Variants in CDON observed in about 807,000 individuals in gnomAD.
The protein encoded by CDON is cell adhesion molecule-related/down-regulated by oncogenes.
Under a neutral mutation model 120.9 loss-of-function variants are expected in CDON, and 73 were observed. That is an observed-to-expected ratio of 0.60 (90% CI 0.50 to 0.73). The LOEUF (loss-of-function observed/expected upper bound fraction) is 0.73. CDON is among the 30% of genes least tolerant of loss of function. The probability of loss-of-function intolerance (pLI) is 0.00; values close to 1 mark genes in which losing one functional copy is unlikely to be tolerated. For missense variants in CDON, 1,470 were observed against 1,587.3 expected (o/e 0.93, Z 1.26); for synonymous variants, 566 against 573.5 (o/e 0.99, Z 0.19).
At chr11:126,061,281 C>T (rs1453726713) in intron 1 of CDON, among the ~76,000 whole-genome samples, 1 of 152,178 alleles carries the variant, frequency 6.6e-6, no homozygotes, top group East Asian at 1.9e-4. Context: ...GCAGTTCATT[C>T]CAACATGTGC....
At chr11:126,049,405 G>T (rs1948499145) in intron 1 of CDON, among the ~76,000 whole-genome samples, 1 of 152,162 alleles carries the variant, frequency 6.6e-6, no homozygotes. Context: ...CATCTCCAGA[G>T]TGAAAATAAA....
intron 2 of CDON, among the ~76,000 whole-genome samples, chr11:126,021,819 T>C (rs888600543): frequency 1.3e-5 from 2 of 151,940 alleles, no homozygotes; most frequent in African/African-American, 4.8e-5. Context: ...AATAGCAAAG[T>C]GCAGCTGGGC....
chr11:126,011,145 G>A (rs1450326179), intron 7 of CDON, among the ~76,000 whole-genome samples: 7 of 152,020 alleles, frequency 4.6e-5, no homozygotes, highest in African/African-American at 1.7e-4. Flanking sequence ...TAAAAAGCGT[G>A]GGAGAAAAAA....
In CDON at chr11:125,967,024, T is replaced by A. The variant is rs1345680368; in HGVS notation, c.3357-5026A>T. 1.0e-4 allele frequency among the ~76,000 whole-genome samples: 15 copies of A among 143,474 alleles called. No individual in the cohort carries two copies. The South Asian group carries it at 1.1e-3, about 10-fold the overall frequency. The allele number at this position is 143,474 out of a possible 152,430, so 94.1% of individuals were successfully genotyped here. On this transcript the variant is annotated intron_variant, in intron 18 of 19. Coordinates refer to ENST00000531738, the MANE Select transcript of CDON (RefSeq NM_001378964.1). ...GAAGGAAAATGACTAGCAACAGATTTAAAAAAAAAAAAGGAAATACAGAAA... is the reference window on the plus strand; with the variant it reads ...GAAGGAAAATGACTAGCAACAGATTAAAAAAAAAAAAAGGAAATACAGAAA...
intron 18 of CDON, among the ~76,000 whole-genome samples, chr11:125,967,036 A>AT (rs397944991): frequency 1.3e-5 from 2 of 151,908 alleles, no homozygotes; most frequent in Non-Finnish European, 2.9e-5. Flanking sequence ...AAAAAAAAAA[A>AT]GGAAATACAG....
intron 1 of CDON, among the ~76,000 whole-genome samples, chr11:126,035,847 G>A (rs549113342): frequency 7.2e-5 from 11 of 152,264 alleles, no homozygotes; most frequent in African/African-American, 2.6e-4. Flanking sequence ...AACATAGCAT[G>A]AAGTTTTAGT....
intron 12 of CDON, among the ~76,000 whole-genome samples, chr11:125,996,765 C>T (rs1487534509): frequency 6.8e-6 from 1 of 147,280 alleles, no homozygotes; most frequent in African/African-American, 2.5e-5. Context: ...ATGATTATCT[C>T]TGAATGGGTG....
chr11:125,982,870 C>G (rs1946352518), intron 16 of CDON, among the ~76,000 whole-genome samples: 1 of 151,940 alleles, frequency 6.6e-6, no homozygotes, highest in South Asian at 2.1e-4. Flanking sequence ...TAATACTTCT[C>G]TTTTCATGAT....
At chr11:126,058,600 C>T (rs1948729509) in intron 1 of CDON, among the ~76,000 whole-genome samples, 1 of 152,198 alleles carries the variant, frequency 6.6e-6, no homozygotes, top group Non-Finnish European at 1.5e-5. Flanking sequence ...TACTTGGAAA[C>T]AAAATATATC....
chr11:125,972,927 G>GCAGTGTT (rs986579337), intron 18 of CDON, among the ~76,000 whole-genome samples: 3 of 150,790 alleles, frequency 2.0e-5, no homozygotes, highest in Non-Finnish European at 2.9e-5. Flanking sequence ...TTCATCTCCT[G>GCAGTGTT]CAGTGTTCTC....
At chr11:126,039,064 G>C (rs930816521) in intron 1 of CDON, among the ~76,000 whole-genome samples, 5 of 152,156 alleles carry the variant, frequency 3.3e-5, no homozygotes, top group African/African-American at 4.8e-5. Flanking sequence ...AAAACGAAGA[G>C]AGCTATTTCC....
At chr11:126,036,679 C>T (rs950606007) in intron 1 of CDON, among the ~76,000 whole-genome samples, 2 of 152,186 alleles carry the variant, frequency 1.3e-5, no homozygotes, top group East Asian at 1.9e-4. Flanking sequence ...TTTCTTAAAA[C>T]GTACAACTTT....
At chr11:125,993,685 A>G (rs1946697500) in intron 14 of CDON, among the ~76,000 whole-genome samples, 1 of 152,162 alleles carries the variant, frequency 6.6e-6, no homozygotes, top group East Asian at 1.9e-4. Context: ...ACACAAGGAA[A>G]CTGAAGGAAG....
intron 18 of CDON, among the ~76,000 whole-genome samples, chr11:125,963,505 C>T (rs1234708941): frequency 6.6e-6 from 1 of 152,184 alleles, no homozygotes; most frequent in Non-Finnish European, 1.5e-5. Context: ...AAAGAAAAAT[C>T]AGTAAAAGTC....
rs751010045 is a variant in CDON at position 126,034,570 on chromosome 11, CTCTT to C, written c.-61-11037_-61-11034del. ...AAAAGTCAAGTGTTCCTGTTCCACT[CTCTT>C]TCTAAGAGACTATTTCTTCCTGCCA... On this transcript the variant is annotated intron_variant, in intron 1 of 19. Coordinates refer to ENST00000531738, the MANE Select transcript of CDON (RefSeq NM_001378964.1). This position sits in a 1 kb window ranked among gnomAD's most constrained non-coding sequence, Gnocchi z 4.5. Among the ~76,000 whole-genome samples, 2 of 152,186 alleles carry C rather than the reference CTCTT, an allele frequency of 1.3e-5. No homozygotes were observed. Among genetic ancestry groups the C allele is most frequent in the Non-Finnish European group, 2.9e-5 (2 of 68,026 alleles).
Position 125,989,622 on chromosome 11 carries a change from C to T in CDON, c.2773+15G>A. The T allele has an allele frequency of 2.5e-6, 4 of 1,611,262 alleles. No individual in the cohort carries two copies. The highest frequency in any genetic ancestry group is 2.5e-6 in the Non-Finnish European group (3 of 1,178,150). ...AATTCTATCACTGTCCAGGGAAAAG[C>T]AAAAATTCTCCTACCTTTAGTCTCG... On this transcript the variant is annotated intron_variant, in intron 15 of 19. Coordinates refer to ENST00000531738, the MANE Select transcript of CDON (RefSeq NM_001378964.1).
At chr11:126,036,964 A>G (rs1427850744) in intron 1 of CDON, among the ~76,000 whole-genome samples, 1 of 152,244 alleles carries the variant, frequency 6.6e-6, no homozygotes, top group African/African-American at 2.4e-5. Context: ...CTGGGATTAC[A>G]GGCATGTGAG....
chr11:125,973,018 C>CTTTTTT (rs35828939), intron 18 of CDON, among the ~76,000 whole-genome samples: 8 of 87,070 alleles, frequency 9.2e-5, no homozygotes, highest in Admixed American at 2.8e-4. Flanking sequence ...ATTACTTGGT[C>CTTTTTT]TTTTTTTTTT....
At chr11:125,994,044 G>T (rs1386706012) in intron 14 of CDON, among the ~76,000 whole-genome samples, 1 of 152,134 alleles carries the variant, frequency 6.6e-6, no homozygotes, top group Non-Finnish European at 1.5e-5. Flanking sequence ...TCTTTCAGAT[G>T]AACTACTACT....
Sources: gnomAD v4.1 joint callset for allele counts (sites outside exome capture counted in the v4.1 genomes callset) on GRCh38, gnomAD v4.1.1 for gene constraint, Gnocchi (gnomAD v3.1) non-coding constraint, MANE v1.5 for transcripts, NCBI Gene and HGNC (gene_info 2026-07-23, HGNC 2026-07-21) for gene names.